The following WDFY4 variants were observed in gnomAD, a reference collection of about 807,000 sequenced individuals.
The protein encoded by WDFY4 is WDFY family member 4.
A neutral mutation model predicts 351.9 loss-of-function variants in WDFY4; 169 were observed. That is an observed-to-expected ratio of 0.48 (90% CI 0.42 to 0.55). The LOEUF (loss-of-function observed/expected upper bound fraction) is 0.55. Ranked by LOEUF, WDFY4 falls within the 20% of genes least tolerant of loss-of-function variation. The pLI is 0.00. For missense variants in WDFY4, 3,803 were observed against 3,935.6 expected, an observed-to-expected ratio of 0.97 and a Z score of 0.90; for synonymous variants, 1,622 against 1,574.6, an observed-to-expected ratio of 1.03 and a Z score of -0.71.
chr10:48,765,305 T>C (rs2065633684), intron 13 of WDFY4, among the ~76,000 whole-genome samples: 1 of 152,222 alleles, frequency 6.6e-6, no homozygotes, highest in Non-Finnish European at 1.5e-5. Flanking sequence ...AACAGCAGAT[T>C]GTGGTCAAGT....
chr10:48,827,703 T>G (rs574190819), intron 36 of WDFY4, among the ~76,000 whole-genome samples: 1 of 151,256 alleles, frequency 6.6e-6, no homozygotes, highest in East Asian at 2.0e-4. Flanking sequence ...AAAATTATGT[T>G]TGATCACTTG....
At chr10:48,911,017 G>T (rs1054906642) in intron 47 of WDFY4, 2 of 478,632 alleles carry the variant, frequency 4.2e-6, no homozygotes, top group Non-Finnish European at 5.4e-6. Context: ...TCATCATGTA[G>T]CTATCCGGCA....
chr10:48,918,709 C>G (rs1385218871), intron 47 of WDFY4, among the ~76,000 whole-genome samples: 2 of 152,068 alleles, frequency 1.3e-5, no homozygotes, highest in South Asian at 2.1e-4. Context: ...AACCTTGGCT[C>G]TGTTGACATT....
At chr10:48,825,351 A>G (rs1370326874) in intron 35 of WDFY4, among the ~76,000 whole-genome samples, 2 of 152,114 alleles carry the variant, frequency 1.3e-5, no homozygotes, top group African/African-American at 4.8e-5. Flanking sequence ...TCTTTATCCA[A>G]TCTATCATTG....
chr10:48,883,076 G>T (rs548563291), intron 43 of WDFY4, among the ~76,000 whole-genome samples: 2 of 152,310 alleles, frequency 1.3e-5, no homozygotes, highest in African/African-American at 4.8e-5. Context: ...CTCAGCAGCC[G>T]GCTGTTATTG....
intron 47 of WDFY4, among the ~76,000 whole-genome samples, chr10:48,905,504 G>A (rs1027056330): frequency 8.5e-5 from 13 of 152,160 alleles, no homozygotes; most frequent in African/African-American, 3.1e-4. Context: ...GATTATTTTT[G>A]CCATCATGGC....
intron 1 of WDFY4, among the ~76,000 whole-genome samples, chr10:48,697,764 G>T (rs142230283): frequency 6.6e-6 from 1 of 152,138 alleles, no homozygotes; most frequent in Non-Finnish European, 1.5e-5. Flanking sequence ...GGTGTTTCCT[G>T]GGCCATTTTC....
intron 39 of WDFY4, among the ~76,000 whole-genome samples, chr10:48,833,228 T>C (rs1423417684): frequency 6.8e-6 from 1 of 147,420 alleles, no homozygotes; most frequent in Non-Finnish European, 1.5e-5. Context: ...GTATATGGAG[T>C]ACGGTGGGTG....
intron 19 of WDFY4, among the ~76,000 whole-genome samples, chr10:48,784,389 T>G (rs192714084): frequency 4.9e-4 from 74 of 152,322 alleles, no homozygotes; most frequent in Non-Finnish European, 2.9e-5. Flanking sequence ...TGTAGTAATA[T>G]CTCACTGTGT....
intron 39 of WDFY4, among the ~76,000 whole-genome samples, chr10:48,860,628 A>C (rs1036345613): frequency 6.6e-6 from 1 of 152,242 alleles, no homozygotes; most frequent in Non-Finnish European, 1.5e-5. Flanking sequence ...TCAGTTTATA[A>C]TATAATTTTA....
intron 31 of WDFY4, 135 bp downstream of exon 31, chr10:48,814,217 G>C (rs756730325): frequency 1.3e-4 from 167 of 1,264,708 alleles, no homozygotes; most frequent in Non-Finnish European, 1.7e-4. Context: ...AAGAGGTGAG[G>C]TAAGTTCCTA....
At chr10:48,787,966 CTTCTTCTT>C (rs2066535595) in intron 20 of WDFY4, among the ~76,000 whole-genome samples, 1 of 129,746 alleles carries the variant, frequency 7.7e-6, no homozygotes, top group Non-Finnish European at 1.6e-5. Flanking sequence ...TCTTCTTCTT[CTTCTTCTT>C]CTTCTTCTTC....
intron 39 of WDFY4, among the ~76,000 whole-genome samples, chr10:48,863,977 G>A (rs1228350947): frequency 3.9e-5 from 6 of 152,044 alleles, no homozygotes; most frequent in Admixed American, 6.6e-5. Context: ...AGAACAGCAT[G>A]GGGGAAACCA....
intron 28 of WDFY4, 107 bp from the exon 29 acceptor site, chr10:48,810,423 T>C (rs1331417449): frequency 8.6e-6 from 9 of 1,052,622 alleles, no homozygotes; most frequent in Non-Finnish European, 1.2e-5. Flanking sequence ...ATGTTAACCT[T>C]AACTTGCCTC....
At chr10:48,691,834 G>T (rs555080364) in intron 1 of WDFY4, among the ~76,000 whole-genome samples, 1 of 152,308 alleles carries the variant, frequency 6.6e-6, no homozygotes, top group African/African-American at 2.4e-5. Flanking sequence ...AATTAGTAAC[G>T]TTAAAACACG....
chr10:48,939,221 C>T (rs1204576372), intron 47 of WDFY4, among the ~76,000 whole-genome samples: 1 of 152,228 alleles, frequency 6.6e-6, no homozygotes, highest in East Asian at 1.9e-4. Context: ...ACTCTCCTTC[C>T]TCCAAGAGTA....
intron 23 of WDFY4, among the ~76,000 whole-genome samples, chr10:48,794,932 G>A (rs1177158708): frequency 2.0e-5 from 3 of 152,176 alleles, no homozygotes; most frequent in Non-Finnish European, 4.4e-5. Flanking sequence ...CTTTCTAGAA[G>A]TTTGCCTATG....
intron 7 of WDFY4, 57 bp from the exon 8 acceptor site, chr10:48,729,375 C>T (rs756709317): frequency 3.3e-5 from 50 of 1,538,274 alleles, no homozygotes; most frequent in Non-Finnish European, 3.5e-5. Flanking sequence ...GCACCATGCA[C>T]GCATGTGGCT....
At chr10:48,725,297 G>A (rs1277186188) in intron 5 of WDFY4, among the ~76,000 whole-genome samples, 1 of 152,196 alleles carries the variant, frequency 6.6e-6, no homozygotes, top group Non-Finnish European at 1.5e-5. Context: ...AGCTGCAGTG[G>A]ATAAAGTGAG....
Sources: allele counts gnomAD v4.1 joint callset (sites outside exome capture counted in the v4.1 genomes callset), GRCh38; gene constraint gnomAD v4.1.1; transcripts MANE v1.5; gene names NCBI Gene and HGNC (gene_info 2026-07-23, HGNC 2026-07-21).